LOXHD1: variants seen among roughly 807,000 people sequenced by gnomAD.
The protein encoded by LOXHD1 is lipoxygenase homology PLAT domains 1, also known as lipoxygenase homology domain-containing protein 1.
A neutral mutation model predicts 248.2 loss-of-function variants in LOXHD1; 205 were observed. That is an observed-to-expected ratio of 0.83 (90% CI 0.74 to 0.93). LOXHD1 has a LOEUF of 0.93. Ranked by LOEUF, LOXHD1 falls within the 40% of genes least tolerant of loss-of-function variation. LOXHD1 has a pLI of 0.00. For missense variants in LOXHD1, 2,930 were observed against 2,971.6 expected, an observed-to-expected ratio of 0.99 and a Z score of 0.33; for synonymous variants, 1,113 against 1,162.8, an observed-to-expected ratio of 0.96 and a Z score of 0.87.
chr18:46,524,926 C>T lies in LOXHD1; in HGVS notation c.4531-9G>A, dbSNP rs1409319193. ...ATGATGAAGGTGTCAGCCTGGGGAG[C>T]CCAGATGTGGGGACTCATATGGGGG... On this transcript the variant is annotated splice_polypyrimidine_tract_variant and intron_variant, in intron 29 of 40. Transcript: ENST00000642948. 1.3e-6 allele frequency: 2 copies of T among 1,551,412 alleles called. No homozygotes were observed. The highest frequency in any genetic ancestry group is 1.4e-5 in the African/African-American group (1 of 73,048).
At chr18:46,503,167 G>T (rs2034342539) in intron 37 of LOXHD1, among the ~76,000 whole-genome samples, 2 of 152,192 alleles carry the variant, frequency 1.3e-5, no homozygotes, top group African/African-American at 4.8e-5. Context: ...CTGGTAGCCA[G>T]ACAGAGAGTT....
At chr18:46,514,326 T>C (rs1357130081) in intron 34 of LOXHD1, among the ~76,000 whole-genome samples, 2 of 152,110 alleles carry the variant, frequency 1.3e-5, no homozygotes, top group African/African-American at 4.8e-5. Flanking sequence ...TGGCAGCAGT[T>C]CCTGGAACTC....
Position 46,533,181 on chromosome 18 carries a change from T to G in LOXHD1, c.4356A>C (p.Glu1452Asp), listed in dbSNP as rs748027920. Residue 1452 changes from glutamate (E) to aspartate (D), a missense_variant, in exon 28 of 41, where the codon GAA becomes GAC. Transcript: ENST00000642948. ...KDGSLRQVYKEVEEPLDIVLY... is the reference protein window; with the variant it reads ...KDGSLRQVYKDVEEPLDIVLY... ...ACTTACTGTCCAGAGGCTCTTCTAC[T>G]TCCTTGTAGACTTGCCGTAAGGACC... 10 of 1,551,726 alleles carry G rather than the reference T, an allele frequency of 6.4e-6. No homozygotes were observed. Among genetic ancestry groups the G allele is most frequent in the Non-Finnish European group, 8.7e-6 (10 of 1,146,984 alleles).
intron 7 of LOXHD1, among the ~76,000 whole-genome samples, chr18:46,603,396 C>T (rs772433027): frequency 1.3e-5 from 2 of 151,834 alleles, no homozygotes; most frequent in African/African-American, 2.4e-5. Context: ...ATGAATGGAG[C>T]CAAATTGGGG....
chr18:46,630,886 C>T lies in LOXHD1; in HGVS notation c.511+8730G>A, dbSNP rs189574745. On this transcript the variant is annotated intron_variant, in intron 4 of 40. Coordinates refer to ENST00000642948, the MANE Select transcript of LOXHD1 (RefSeq NM_001384474.1). ...GCTACAGGGACCTCAGAGAACATCT[C>T]GAGCAACCTGGTAAGAAGATGAGAA... Among the ~76,000 whole-genome samples, 367 of 152,244 alleles carry T rather than the reference C, an allele frequency of 2.4e-3. 1 individual carries two copies. The highest frequency in any genetic ancestry group is 8.4e-3 in the African/African-American group (350 of 41,540).
At chr18:46,654,657 CA>C (rs1261838932) in intron 1 of LOXHD1, among the ~76,000 whole-genome samples, 1 of 152,240 alleles carries the variant, frequency 6.6e-6, no homozygotes, top group Non-Finnish European at 1.5e-5. Context: ...CTCCCCATCA[CA>C]CTCATCAAGA....
chr18:46,550,551 G>A (rs2037052431), intron 21 of LOXHD1, among the ~76,000 whole-genome samples: 1 of 130,222 alleles, frequency 7.7e-6, no homozygotes, highest in Non-Finnish European at 1.6e-5. Flanking sequence ...CCGCAGTCCG[G>A]CCTGGGCGAC....
intron 5 of LOXHD1, 105 bp downstream of exon 5, chr18:46,618,087 C>A: frequency 1.3e-6 from 1 of 767,268 alleles, no homozygotes; most frequent in South Asian, 1.8e-5. Flanking sequence ...AATAGAGGAG[C>A]CCAAAGTGGG....
At chr18:46,535,862 C>T (rs62097065) in intron 26 of LOXHD1, among the ~76,000 whole-genome samples, 10,939 of 152,232 alleles carry the variant, frequency 0.072, 518 homozygotes, top group Non-Finnish European at 0.1. Context: ...TGAGCCACCG[C>T]GCCTGGTGGT....
chr18:46,480,592 C>A (rs966312180), intron 40 of LOXHD1, among the ~76,000 whole-genome samples: 2 of 152,096 alleles, frequency 1.3e-5, no homozygotes, highest in African/African-American at 4.8e-5. Flanking sequence ...TGCAGACTTA[C>A]ACAAAGCTCT....
intron 1 of LOXHD1, among the ~76,000 whole-genome samples, chr18:46,656,414 G>C (rs1054554077): frequency 6.6e-6 from 1 of 152,116 alleles, no homozygotes; most frequent in Admixed American, 6.5e-5. Context: ...CCAGAGCACC[G>C]GCCGCCTTCG....
At chr18:46,641,165 C>T (rs990279075) in intron 3 of LOXHD1, among the ~76,000 whole-genome samples, 1 of 152,130 alleles carries the variant, frequency 6.6e-6, no homozygotes, top group Non-Finnish European at 1.5e-5. Flanking sequence ...TTCATGTGCC[C>T]CTTATTTCCC....
chr18:46,622,043 C>T (rs2038675776), intron 4 of LOXHD1, among the ~76,000 whole-genome samples: 3 of 152,186 alleles, frequency 2.0e-5, no homozygotes, highest in Admixed American at 6.5e-5. Flanking sequence ...AGGTGGCTCG[C>T]CCCAGGACAG....
chr18:46,538,337 A>G lies in LOXHD1; in HGVS notation c.3914T>C (p.Phe1305Ser), dbSNP rs892145129. The G allele has an allele frequency of 1.9e-6, 3 of 1,545,148 alleles. No individual in the cohort carries two copies. Among genetic ancestry groups the G allele is most frequent in the Non-Finnish European group, 2.6e-6 (3 of 1,141,434 alleles). Residue 1305 changes from phenylalanine to serine, a missense_variant and splice_region_variant, in exon 26 of 41, where the codon TTT becomes TCT. Phe to Ser is a radical substitution (Grantham distance 155). Transcript: ENST00000642948. ...GTAGAGGGTGATCTCGTAAGGAACA[A>G]CTGAGGGTGGTGGTCAGAGGGCAAA... ...AELQTRLYTPFVPYEITLYTS... is the reference protein window; with the variant it reads ...AELQTRLYTPSVPYEITLYTS...
At chr18:46,610,590 G>A (rs1024813554) in intron 6 of LOXHD1, among the ~76,000 whole-genome samples, 186 bp downstream of exon 6, 7 of 152,214 alleles carry the variant, frequency 4.6e-5, no homozygotes, top group African/African-American at 1.7e-4. Context: ...TTCCTGTGAA[G>A]ATGGTAACGT....
At chr18:46,653,058 C>A (rs1161864256) in intron 1 of LOXHD1, among the ~76,000 whole-genome samples, 1 of 152,132 alleles carries the variant, frequency 6.6e-6, no homozygotes, top group Non-Finnish European at 1.5e-5. Context: ...ACCAGGCTGA[C>A]CAACGTGGTG....
At chr18:46,643,622 A>T (rs184052499) in intron 2 of LOXHD1, among the ~76,000 whole-genome samples, 1 of 152,300 alleles carries the variant, frequency 6.6e-6, no homozygotes, top group Admixed American at 6.5e-5. Context: ...AGCTGTCAAT[A>T]ACTTGGAGAA....
chr18:46,495,233 A>G (rs2033781158), intron 37 of LOXHD1, among the ~76,000 whole-genome samples: 1 of 152,234 alleles, frequency 6.6e-6, no homozygotes, highest in African/African-American at 2.4e-5. Context: ...AGGCATGAAG[A>G]ACAAGATAAA....
intron 5 of LOXHD1, among the ~76,000 whole-genome samples, chr18:46,612,526 AT>A (rs533935027): frequency 1.5e-4 from 23 of 151,818 alleles, no homozygotes; most frequent in Non-Finnish European, 3.1e-4. Context: ...CTCTTCTGTA[AT>A]TTTTCCATTT....
Sources: allele counts gnomAD v4.1 joint callset (sites outside exome capture counted in the v4.1 genomes callset), GRCh38; gene constraint gnomAD v4.1.1; transcripts MANE v1.5; gene names NCBI Gene and HGNC (gene_info 2026-07-23, HGNC 2026-07-21).